The following FMN1 variants were observed in gnomAD, a reference collection of about 807,000 sequenced individuals.
FMN1 encodes formin 1.
FMN1 carries 110 observed loss-of-function variants against 132.4 expected under a neutral mutation model. That is an observed-to-expected ratio of 0.83 (90% CI 0.71 to 0.97). The LOEUF (loss-of-function observed/expected upper bound fraction) is 0.97. Ranked by LOEUF, FMN1 falls within the 50% of genes least tolerant of loss-of-function variation. The pLI is 0.00. For synonymous variants in FMN1, 722 were observed against 651.7 expected (o/e 1.11, Z -1.64); for missense variants, 1,792 against 1,705.3 (o/e 1.05, Z -0.90).
At chr15:32,972,134 G>A (rs949507827) in intron 7 of FMN1, among the ~76,000 whole-genome samples, 19 of 152,278 alleles carry the variant, frequency 1.2e-4, no homozygotes, top group African/African-American at 4.6e-4. Context: ...AAGAGTGTTT[G>A]CAGCATAGTA....
At chr15:33,115,304 C>T (rs904901401) in intron 4 of FMN1, among the ~76,000 whole-genome samples, 2 of 152,108 alleles carry the variant, frequency 1.3e-5, no homozygotes, top group African/African-American at 4.8e-5. Context: ...GGAAATAATA[C>T]TTGAAGGATG....
At chr15:32,891,514 G>C (rs141115474) in intron 15 of FMN1, among the ~76,000 whole-genome samples, 1 of 152,222 alleles carries the variant, frequency 6.6e-6, no homozygotes, top group African/African-American at 2.4e-5. Flanking sequence ...GATTACAGGC[G>C]TGAGCCACCG....
intron 6 of FMN1, among the ~76,000 whole-genome samples, chr15:33,037,798 T>C (rs1237246458): frequency 6.6e-6 from 1 of 152,242 alleles, no homozygotes; most frequent in Non-Finnish European, 1.5e-5. Context: ...TCAAACTCTT[T>C]TGCTTAAACA....
intron 3 of FMN1, among the ~76,000 whole-genome samples, chr15:33,159,830 T>C (rs778331664): frequency 7.2e-5 from 11 of 152,232 alleles, no homozygotes; most frequent in Non-Finnish European, 1.5e-4. Context: ...AGAAGTTTTC[T>C]TGTTGGCACC....
intron 17 of FMN1, among the ~76,000 whole-genome samples, chr15:32,845,191 A>G (rs1189460761): frequency 6.6e-6 from 1 of 152,226 alleles, no homozygotes; most frequent in South Asian, 2.1e-4. Flanking sequence ...CATAGTTGTC[A>G]AGAATCCAAA....
chr15:32,984,921 CACCCCT>C (rs2032958698), intron 7 of FMN1, among the ~76,000 whole-genome samples: 1 of 143,730 alleles, frequency 7.0e-6, no homozygotes, highest in South Asian at 2.2e-4. Context: ...GGTCTTCTTT[CACCCCT>C]ACCTAAAAAA....
intron 3 of FMN1, among the ~76,000 whole-genome samples, chr15:33,174,729 A>C (rs1174733323): frequency 2.0e-5 from 3 of 150,076 alleles, no homozygotes; most frequent in Non-Finnish European, 4.5e-5. Flanking sequence ...AGCATATATG[A>C]TGTAGTTTTC....
intron 4 of FMN1, among the ~76,000 whole-genome samples, chr15:33,119,574 G>A (rs182706055): frequency 6.6e-6 from 1 of 152,246 alleles, no homozygotes; most frequent in Non-Finnish European, 1.5e-5. Context: ...AAAACTTTCT[G>A]TAAAAAACCA....
At chr15:32,886,878 T>C (rs1023640482) in intron 16 of FMN1, among the ~76,000 whole-genome samples, 13 of 152,084 alleles carry the variant, frequency 8.5e-5, no homozygotes, top group Admixed American at 2.0e-4. Context: ...GCTCCTCAAC[T>C]TCAACAAGGA....
Position 33,067,133 on chromosome 15 carries a change from G to A in FMN1, c.2044-2059C>T, listed in dbSNP as rs370027992. Reference sequence around the variant, plus strand: ...GGCACTCTCAGTGATACCAACACTCGAATTCTGGTTTGTTACTGCAGGTAG... The same window carrying A: ...GGCACTCTCAGTGATACCAACACTCAAATTCTGGTTTGTTACTGCAGGTAG... On this transcript the variant is annotated intron_variant, in intron 5 of 20. Coordinates refer to ENST00000616417, the MANE Select transcript of FMN1 (RefSeq NM_001277313.2). 4.5e-5 allele frequency: 72 copies of A among 1,613,938 alleles called. 1 individual carries two copies. The highest frequency in any genetic ancestry group is 3.5e-4 in the African/African-American group (26 of 75,036).
chr15:32,924,585 T>C (rs934420909), intron 10 of FMN1, among the ~76,000 whole-genome samples: 1 of 152,182 alleles, frequency 6.6e-6, no homozygotes, highest in Non-Finnish European at 1.5e-5. Context: ...ATCTAAGAGA[T>C]TGTATTATCA....
At chr15:32,970,916 G>C (rs1316966970) in intron 7 of FMN1, 1 of 152,166 alleles carries the variant, frequency 6.6e-6, no homozygotes, top group Non-Finnish European at 1.5e-5. Flanking sequence ...TTTTTCGAAG[G>C]CTCATCTTCT....
In FMN1 at chr15:33,153,138, C is replaced by G; in HGVS notation, c.1777G>C (p.Gly593Arg). ...KGASPAFLRAGQPRLVPGETL... is the reference protein window; with the variant it reads ...KGASPAFLRARQPRLVPGETL... ...TCCCCAGGCACCAACCGAGGTTGGC[C>G]TGCTCTGAGGAAGGCCGGGCTGGCT... is the stretch of plus-strand genomic sequence containing the variant. The change falls in exon 4 of 21, where the codon GGC becomes CGC. Residue 593 changes from glycine (G) to arginine (R), a missense_variant. Physicochemically the swap from Gly to Arg is moderately radical, Grantham distance 125. Around this residue, in one of 3 missense-constraint regions of FMN1, gnomAD observed 1,150 missense variants for 1,043.1 expected, o/e 1.10. Transcript: ENST00000616417. 6.5e-7 allele frequency: 1 copy of G among 1,536,144 alleles called. No individual in the cohort carries two copies. Among genetic ancestry groups the G allele is most frequent in the Non-Finnish European group, 8.7e-7 (1 of 1,146,924 alleles).
intron 17 of FMN1, among the ~76,000 whole-genome samples, chr15:32,814,660 T>C (rs544746731): frequency 6.6e-6 from 1 of 152,336 alleles, no homozygotes; most frequent in Non-Finnish European, 1.5e-5. Context: ...GGTGATAAAT[T>C]GCAGGTATTC....
intron 2 of FMN1, among the ~76,000 whole-genome samples, chr15:33,192,153 A>C (rs1456918603): frequency 6.6e-6 from 1 of 152,236 alleles, no homozygotes; most frequent in South Asian, 2.1e-4. Context: ...AGCACACCAC[A>C]GCTTGGGATG....
intron 7 of FMN1, among the ~76,000 whole-genome samples, chr15:32,983,824 C>T (rs1036759465): frequency 2.0e-5 from 3 of 152,148 alleles, no homozygotes; most frequent in Admixed American, 2.0e-4. Flanking sequence ...ACTACTATGA[C>T]CCATCTTTTA....
chr15:33,139,440 C>T (rs1963913530), intron 4 of FMN1, among the ~76,000 whole-genome samples: 1 of 123,078 alleles, frequency 8.1e-6, no homozygotes, highest in Non-Finnish European at 1.9e-5. Context: ...ACTAAAAATA[C>T]AAAAAATTAG....
chr15:33,049,883 C>T (rs1360575990), intron 6 of FMN1, among the ~76,000 whole-genome samples: 2 of 152,194 alleles, frequency 1.3e-5, no homozygotes, highest in African/African-American at 4.8e-5. Flanking sequence ...CTGGAGTCTC[C>T]CTGATTCTGC....
At chr15:33,155,658 T>C (rs754977929) in intron 3 of FMN1, among the ~76,000 whole-genome samples, 9 of 152,212 alleles carry the variant, frequency 5.9e-5, no homozygotes, top group Non-Finnish European at 1.2e-4. Context: ...AGTTTTGCTG[T>C]TTTCTTTTTT....
Sources: gnomAD v4.1 joint callset for allele counts (sites outside exome capture counted in the v4.1 genomes callset) on GRCh38, gnomAD v4.1.1 for gene constraint, gnomAD v4.1.1 regional missense constraint, MANE v1.5 for transcripts, NCBI Gene and HGNC (gene_info 2026-07-23, HGNC 2026-07-21) for gene names.